PLCXD3: variants seen among roughly 807,000 people sequenced by gnomAD.
The protein encoded by PLCXD3 is phosphatidylinositol specific phospholipase C X domain containing 3.
Under a neutral mutation model 25.5 loss-of-function variants are expected in PLCXD3, and 19 were observed. The ratio of observed to expected loss-of-function variants is 0.75; its 90% CI spans 0.52 to 1.09. PLCXD3 has a LOEUF of 1.09. Among genes scored for constraint, PLCXD3 ranks in the 50% least tolerant of loss-of-function variants. The pLI, the probability that PLCXD3 is intolerant of heterozygous loss-of-function variation, is 0.00. For synonymous variants in PLCXD3, 174 were observed against 137.6 expected (o/e 1.26, Z -1.85); for missense variants, 411 against 388.1 (o/e 1.06, Z -0.50).
At chr5:41,507,969 A>G (rs980406417) in intron 1 of PLCXD3, among the ~76,000 whole-genome samples, 6 of 152,218 alleles carry the variant, frequency 3.9e-5, no homozygotes, top group African/African-American at 1.4e-4. Context: ...TGAGTAATGC[A>G]AAAAGGTGCC....
rs980044591 is a variant in PLCXD3 at position 41,309,082 on chromosome 5, G to A, written c.*4535C>T. 6.6e-6 allele frequency: 1 copy of A among 152,442 alleles called. No individual in the cohort carries two copies. The highest frequency in any genetic ancestry group is 2.4e-5 in the African/African-American group (1 of 41,410). 9.4% of individuals were successfully genotyped at this position (152,442 alleles called of 1,614,324 possible). On this transcript the variant is annotated 3_prime_UTR_variant, in exon 3 of 3. Transcript: ENST00000377801. ...GGTCACAATGTGCCCTTTTTCTTTA[G>A]GATAAGTTTGATTTTTGATAAGATA...
intron 1 of PLCXD3, among the ~76,000 whole-genome samples, chr5:41,383,134 G>GTAAA (rs1745524017): frequency 6.6e-6 from 1 of 152,102 alleles, no homozygotes; most frequent in Non-Finnish European, 1.5e-5. Context: ...TTGGGCAATT[G>GTAAA]TAAACTTAGA....
chr5:41,461,095 A>G (rs989945522), intron 1 of PLCXD3, among the ~76,000 whole-genome samples: 2 of 152,008 alleles, frequency 1.3e-5, no homozygotes, highest in African/African-American at 4.8e-5. Flanking sequence ...ATCAAAACAT[A>G]TAATACATTT....
At chr5:41,448,860 A>G (rs2150513521) in intron 1 of PLCXD3, among the ~76,000 whole-genome samples, 1 of 152,300 alleles carries the variant, frequency 6.6e-6, no homozygotes, top group African/African-American at 2.4e-5. Context: ...GACATTTATA[A>G]TCTTCTTAAC....
rs1745484068 is a variant in PLCXD3, at chr5:41,382,186, T to C, written c.452A>G (p.Gln151Arg). 6.2e-7 allele frequency: 1 copy of C among 1,613,678 alleles called. No homozygotes were observed. Among genetic ancestry groups the C allele is most frequent in the Admixed American group, 1.7e-5 (1 of 59,938 alleles). ...GACCAGTTTTTCATGGTGATATTTCTGCATCCCATAAAAGTGGTTGAAGTC... is the reference window on the plus strand; with the variant it reads ...GACCAGTTTTTCATGGTGATATTTCCGCATCCCATAAAAGTGGTTGAAGTC... ...FLDFNHFYGM[Q>R]KYHHEKLVQM... Residue 151 changes from glutamine (Q) to arginine (R), a missense_variant, in exon 2 of 3, where the codon CAG (glutamine) becomes CGG (arginine). Transcript: ENST00000377801.
intron 1 of PLCXD3, among the ~76,000 whole-genome samples, chr5:41,501,258 T>C (rs546519343): frequency 2.6e-5 from 4 of 152,020 alleles, no homozygotes; most frequent in Non-Finnish European, 5.9e-5. Flanking sequence ...TCTATTCTCA[T>C]TGCAATAAGC....
In PLCXD3 at chr5:41,377,652, G is replaced by A. The variant is rs1420006403; in HGVS notation, c.812+4174C>T. Among the ~76,000 whole-genome samples, 6 of 152,036 alleles carry A rather than the reference G, an allele frequency of 3.9e-5. No homozygotes were observed. The South Asian group carries it at 6.2e-4, about 16-fold the overall frequency. Reference sequence around the variant, plus strand: ...TTGGCATTGCTACAATGTAGAAAACGAATCTGCAGTATTTAGAACCATTGG... The same window carrying A: ...TTGGCATTGCTACAATGTAGAAAACAAATCTGCAGTATTTAGAACCATTGG... On this transcript the variant is annotated intron_variant, in intron 2 of 2. Coordinates refer to ENST00000377801, the MANE Select transcript of PLCXD3 (RefSeq NM_001005473.3).
intron 1 of PLCXD3, among the ~76,000 whole-genome samples, chr5:41,409,695 A>G (rs966835633): frequency 6.6e-6 from 1 of 152,188 alleles, no homozygotes; most frequent in Non-Finnish European, 1.5e-5. Flanking sequence ...CTTGTTCGCT[A>G]TTGTGCCCTC....
intron 1 of PLCXD3, among the ~76,000 whole-genome samples, chr5:41,403,408 T>TTTTTTTTTTTTTTTTTA (rs1554047966): frequency 6.1e-4 from 16 of 26,240 alleles, no homozygotes; most frequent in Non-Finnish European, 1.3e-3. Flanking sequence ...GTTGTTTTTT[T>TTTTTTTTTTTTTTTTTA]TTTTTTTTAT....
chr5:41,389,036 A>G (rs78593531), intron 1 of PLCXD3, among the ~76,000 whole-genome samples: 16,463 of 151,982 alleles, frequency 0.11, 1,072 homozygotes, highest in Admixed American at 0.17. Context: ...ATATACTTCT[A>G]TCACAGTTAC....
chr5:41,316,315 C>A (rs1404364122), intron 2 of PLCXD3, among the ~76,000 whole-genome samples: 1 of 152,198 alleles, frequency 6.6e-6, no homozygotes. Context: ...CATTCATCAC[C>A]TGCTAACTGA....
intron 2 of PLCXD3, among the ~76,000 whole-genome samples, chr5:41,358,336 G>A (rs914309292): frequency 1.3e-4 from 20 of 152,034 alleles, no homozygotes; most frequent in Admixed American, 2.6e-4. Flanking sequence ...GGTTTTTGGG[G>A]AACAGGTTGT....
intron 2 of PLCXD3, among the ~76,000 whole-genome samples, chr5:41,336,270 G>T (rs1743977253): frequency 6.6e-6 from 1 of 152,102 alleles, no homozygotes; most frequent in African/African-American, 2.4e-5. Context: ...GAAGACTTTG[G>T]AGCAGAGTGT....
intron 1 of PLCXD3, among the ~76,000 whole-genome samples, chr5:41,489,931 TCTC>T (rs1195789133): frequency 1.3e-5 from 2 of 151,920 alleles, no homozygotes; most frequent in Non-Finnish European, 2.9e-5. Flanking sequence ...TTGATTTCCT[TCTC>T]CTGCCTAATT....
intron 2 of PLCXD3, among the ~76,000 whole-genome samples, chr5:41,347,940 A>G (rs1239897690): frequency 6.6e-6 from 1 of 152,248 alleles, no homozygotes; most frequent in Non-Finnish European, 1.5e-5. Context: ...AGTCTCTGTC[A>G]TAGGCATTAC....
Position 41,382,108 on chromosome 5 carries a change from T to C in PLCXD3, c.530A>G (p.Gln177Arg). The change falls in exon 2 of 3, where the codon CAG (glutamine) becomes CGG (arginine). Residue 177 changes from glutamine to arginine, a missense_variant. Transcript: ENST00000377801. The stretch of plus-strand genomic sequence containing the variant: ...CCACAGGTACTTTAAACTAACTTCC[T>C]GGGCAAAAATCGCTGGGCACATTTT... ...GNKMCPAIFA[Q>R]EVSLKYLWEK... The C allele has an allele frequency of 1.2e-6, 2 of 1,613,744 alleles. No individual in the cohort carries two copies. Among genetic ancestry groups the C allele is most frequent in the Non-Finnish European group, 8.5e-7 (1 of 1,179,760 alleles).
intron 2 of PLCXD3, among the ~76,000 whole-genome samples, chr5:41,375,746 G>A (rs1745275560): frequency 6.6e-6 from 1 of 152,064 alleles, no homozygotes; most frequent in African/African-American, 2.4e-5. Context: ...CCCTAGACCT[G>A]ACTCTGCCTT....
intron 1 of PLCXD3, among the ~76,000 whole-genome samples, chr5:41,509,788 TC>T (rs1738997596): frequency 6.6e-6 from 1 of 152,058 alleles, no homozygotes; most frequent in Non-Finnish European, 1.5e-5. Flanking sequence ...CTCGGCCAGG[TC>T]CCCCGGGGTC....
intron 2 of PLCXD3, among the ~76,000 whole-genome samples, chr5:41,376,702 A>G (rs968268560): frequency 6.6e-6 from 1 of 152,122 alleles, no homozygotes. Context: ...CTAAGTTACC[A>G]TAGACCTTGA....
Sources: gnomAD v4.1 joint callset for allele counts (sites outside exome capture counted in the v4.1 genomes callset) on GRCh38, gnomAD v4.1.1 for gene constraint, MANE v1.5 for transcripts, NCBI Gene and HGNC (gene_info 2026-07-23, HGNC 2026-07-21) for gene names.